The following KIF16B variants were observed in gnomAD, a reference collection of about 807,000 sequenced individuals.
KIF16B encodes kinesin family member 16B.
KIF16B carries 98 observed loss-of-function variants against 156.3 expected under a neutral mutation model. That is an observed-to-expected ratio of 0.63 (90% CI 0.53 to 0.74). The LOEUF (loss-of-function observed/expected upper bound fraction) is 0.74. KIF16B is among the 30% of genes least tolerant of loss of function. The pLI is 0.00. For synonymous variants in KIF16B, 564 were observed against 583.7 expected (o/e 0.97, Z 0.49); for missense variants, 1,421 against 1,606.5 (o/e 0.88, Z 1.97).
At chr20:16,539,130 G>A (rs1442983796) in intron 1 of KIF16B, among the ~76,000 whole-genome samples, 1 of 151,918 alleles carries the variant, frequency 6.6e-6, no homozygotes, top group Non-Finnish European at 1.5e-5. Context: ...GGCCCAACAC[G>A]AAAAATTGGT....
At chr20:16,488,422 T>C (rs2068187979) in intron 12 of KIF16B, among the ~76,000 whole-genome samples, 1 of 152,062 alleles carries the variant, frequency 6.6e-6, no homozygotes, top group South Asian at 2.1e-4. Context: ...TAATTGTTCA[T>C]AAAACGCTGG....
At chr20:16,337,304 G>T (rs1355702429) in intron 23 of KIF16B, among the ~76,000 whole-genome samples, 1 of 152,140 alleles carries the variant, frequency 6.6e-6, no homozygotes, top group African/African-American at 2.4e-5. Context: ...GTAGAAAGTA[G>T]AAACAAGAAA....
At chr20:16,416,562 C>T (rs564545463) in intron 15 of KIF16B, among the ~76,000 whole-genome samples, 1 of 152,022 alleles carries the variant, frequency 6.6e-6, no homozygotes, top group Admixed American at 6.6e-5. Context: ...ACACCACACA[C>T]TGGGGCCTGT....
intron 23 of KIF16B, among the ~76,000 whole-genome samples, chr20:16,350,047 C>A (rs1454865799): frequency 6.6e-6 from 1 of 152,250 alleles, no homozygotes; most frequent in Non-Finnish European, 1.5e-5. Flanking sequence ...TTCTCTGCTT[C>A]TCCCTCCTTC....
intron 1 of KIF16B, among the ~76,000 whole-genome samples, chr20:16,536,980 TCTACCA>T (rs1254114098): frequency 5.3e-5 from 8 of 151,962 alleles, no homozygotes; most frequent in African/African-American, 1.9e-4. Context: ...TCCCTTCCAA[TCTACCA>T]CCTGTTGAAC....
At chr20:16,404,295 C>T (rs1462963094) in intron 17 of KIF16B, among the ~76,000 whole-genome samples, 1 of 152,144 alleles carries the variant, frequency 6.6e-6, no homozygotes, top group African/African-American at 2.4e-5. Flanking sequence ...GCACTAAGGA[C>T]ATGAGTTAAG....
At chr20:16,398,670 A>T (rs1408842078) in intron 17 of KIF16B, among the ~76,000 whole-genome samples, 2 of 152,222 alleles carry the variant, frequency 1.3e-5, no homozygotes, top group African/African-American at 4.8e-5. Context: ...AGAGTGAAAG[A>T]TCCCTATATA....
At chr20:16,430,808 C>T (rs2066476585) in intron 12 of KIF16B, among the ~76,000 whole-genome samples, 1 of 151,432 alleles carries the variant, frequency 6.6e-6, no homozygotes, top group Non-Finnish European at 1.5e-5. Context: ...GTCCCATACT[C>T]AAATGTATAC....
chr20:16,475,636 T>C (rs1438189698), intron 12 of KIF16B, among the ~76,000 whole-genome samples: 2 of 152,202 alleles, frequency 1.3e-5, no homozygotes, highest in Admixed American at 6.5e-5. Context: ...GAAATAATTG[T>C]ACAAGGAATT....
chr20:16,519,855 G>A (rs1056386563), intron 3 of KIF16B, among the ~76,000 whole-genome samples: 7 of 152,218 alleles, frequency 4.6e-5, no homozygotes, highest in African/African-American at 1.4e-4. Flanking sequence ...GACAGTGGGT[G>A]TAGCCCACAG....
intron 24 of KIF16B, among the ~76,000 whole-genome samples, chr20:16,334,751 T>A (rs1445126745): frequency 2.6e-5 from 4 of 152,248 alleles, no homozygotes; most frequent in East Asian, 3.9e-4. Context: ...GCTCCCTGTC[T>A]CCCCATGTGA....
chr20:16,573,232 C>T lies in KIF16B; in HGVS notation c.44G>A (p.Arg15His), dbSNP rs185829984. 2,907 of 1,598,570 alleles carry T rather than the reference C, an allele frequency of 1.8e-3. 16 individuals carry two copies. The highest frequency in any genetic ancestry group is 0.012 in the African/African-American group (928 of 74,750). Residue 15 changes from arginine (R) to histidine (H), a missense_variant, in exon 1 of 26, where the codon CGC becomes CAC. Coordinates refer to ENST00000354981, the MANE Select transcript of KIF16B (RefSeq NM_024704.5). ...GGGCGCGGGCGGCCCCACTCACCTG[C>T]GATTCATGGGCCGGACCCTCACGGC... The part of the protein sequence containing the change: ...KVAVRVRPMN[R>H]REKDLEAKFI...
chr20:16,423,910 C>T (rs2066286711), intron 15 of KIF16B, among the ~76,000 whole-genome samples: 1 of 152,022 alleles, frequency 6.6e-6, no homozygotes, highest in Admixed American at 6.6e-5. Flanking sequence ...AGCACTAGAG[C>T]CTGTGAGTTC....
chr20:16,497,093 C>T (rs2068473244), intron 11 of KIF16B, among the ~76,000 whole-genome samples: 1 of 152,150 alleles, frequency 6.6e-6, no homozygotes, highest in Non-Finnish European at 1.5e-5. Flanking sequence ...TGGCTTTAGC[C>T]CATAACAGCT....
intron 23 of KIF16B, among the ~76,000 whole-genome samples, chr20:16,347,107 G>T (rs889018241): frequency 6.6e-6 from 1 of 152,044 alleles, no homozygotes; most frequent in Non-Finnish European, 1.5e-5. Flanking sequence ...ACCTGCAGAT[G>T]AACTAAAAAA....
intron 1 of KIF16B, among the ~76,000 whole-genome samples, chr20:16,551,474 G>A (rs982388613): frequency 3.3e-5 from 5 of 152,198 alleles, no homozygotes; most frequent in East Asian, 1.9e-4. Flanking sequence ...AGTGTGGGCC[G>A]CATCTCTCCA....
At chr20:16,396,511 TATATATAAATGTGTGTAC>T (rs1568932652) in intron 17 of KIF16B, among the ~76,000 whole-genome samples, 1 of 151,806 alleles carries the variant, frequency 6.6e-6, no homozygotes. Context: ...TATAAATATA[TATATATAAATGTGTGTAC>T]ATATATAAAT....
chr20:16,475,681 G>A (rs1291981166), intron 12 of KIF16B, among the ~76,000 whole-genome samples: 1 of 152,190 alleles, frequency 6.6e-6, no homozygotes. Context: ...TTCCACAGTT[G>A]AAGATGAGGA....
In KIF16B at chr20:16,379,943, G is replaced by C; in HGVS notation, c.2059C>G (p.Gln687Glu). The C allele has an allele frequency of 6.2e-7, 1 of 1,614,128 alleles. No individual in the cohort carries two copies. Among genetic ancestry groups the C allele is most frequent in the East Asian group, 2.2e-5 (1 of 44,876 alleles). Residue 687 changes from glutamine to glutamate, a missense_variant, in exon 19 of 26, where the codon CAG becomes GAG. Gln to Glu is a conservative substitution (Grantham distance 29, BLOSUM62 2). Transcript: ENST00000354981. Reference protein sequence around the residue: ...EKFEEERLREQQEIELQKKRQ... With the variant: ...EKFEEERLREEQEIELQKKRQ... ...TTCTTCTGCAGCTCGATTTCCTGCTGTTCCCTCAGCCTCTCCTCTTCAAAT... is the reference window on the plus strand; with the variant it reads ...TTCTTCTGCAGCTCGATTTCCTGCTCTTCCCTCAGCCTCTCCTCTTCAAAT...
Sources: gnomAD v4.1 joint callset for allele counts (sites outside exome capture counted in the v4.1 genomes callset) on GRCh38, gnomAD v4.1.1 for gene constraint, MANE v1.5 for transcripts, NCBI Gene and HGNC (gene_info 2026-07-23, HGNC 2026-07-21) for gene names.